TXK: variants seen among roughly 807,000 people sequenced by gnomAD.
TXK encodes the protein tyrosine-protein kinase TXK.
In TXK, 60 loss-of-function variants were observed where a neutral mutation model predicts 81.0. That is an observed-to-expected ratio of 0.74 (90% CI 0.60 to 0.92). TXK has a LOEUF of 0.92. Among genes scored for constraint, TXK ranks in the 40% least tolerant of loss-of-function variants. The pLI, the probability that TXK is intolerant of heterozygous loss-of-function variation, is 0.00. For synonymous variants in TXK, 203 were observed against 210.7 expected, an observed-to-expected ratio of 0.96 and a Z score of 0.32; for missense variants, 581 against 638.3, an observed-to-expected ratio of 0.91 and a Z score of 0.97.
chr4:48,073,848 A>AT, intron 13 of TXK, 87 bp downstream of exon 13: 1 of 890,722 alleles, frequency 1.1e-6, no homozygotes, highest in Non-Finnish European at 1.8e-6. Context: ...AAAAAATGCT[A>AT]TATCAATTAG....
At chr4:48,119,847 T>C (rs1426249329) in intron 1 of TXK, among the ~76,000 whole-genome samples, 2 of 152,156 alleles carry the variant, frequency 1.3e-5, no homozygotes, top group Non-Finnish European at 2.9e-5. Flanking sequence ...AACCAATTTA[T>C]TCCAGTGCTG....
At chr4:48,069,219 G>C (rs1414971525) in intron 14 of TXK, among the ~76,000 whole-genome samples, 1 of 152,114 alleles carries the variant, frequency 6.6e-6, no homozygotes, top group African/African-American at 2.4e-5. Flanking sequence ...GGCGGATTGC[G>C]TAAGCCCAGG....
At chr4:48,092,971 A>T (rs775070016) in intron 8 of TXK, among the ~76,000 whole-genome samples, 18 of 152,196 alleles carry the variant, frequency 1.2e-4, no homozygotes, top group Non-Finnish European at 2.4e-4. Context: ...GCTCACCGTG[A>T]CTCTAACACC....
At chr4:48,091,724 TA>T (rs1391210810) in intron 8 of TXK, among the ~76,000 whole-genome samples, 1 of 152,066 alleles carries the variant, frequency 6.6e-6, no homozygotes, top group Non-Finnish European at 1.5e-5. Flanking sequence ...AGGCTGGTCT[TA>T]AACTCCTGAC....
intron 2 of TXK, among the ~76,000 whole-genome samples, chr4:48,113,828 T>C (rs1718718166): frequency 6.6e-6 from 1 of 151,686 alleles, no homozygotes; most frequent in Non-Finnish European, 1.5e-5. Flanking sequence ...AAAAAAAAAG[T>C]AGGTGGTTTT....
intron 9 of TXK, among the ~76,000 whole-genome samples, chr4:48,088,599 G>A (rs978713076): frequency 5.3e-5 from 8 of 152,182 alleles, no homozygotes; most frequent in African/African-American, 1.7e-4. Flanking sequence ...TTTATATAAC[G>A]TAATCAAACC....
chr4:48,100,171 C>CA (rs11341305), intron 6 of TXK, among the ~76,000 whole-genome samples: 5,991 of 53,658 alleles, frequency 0.11, 682 homozygotes, highest in African/African-American at 0.17. Flanking sequence ...GACTCCATCT[C>CA]AAAAAAAAAA....
At chr4:48,102,323 T>C (rs1000129777) in intron 6 of TXK, among the ~76,000 whole-genome samples, 3 of 152,124 alleles carry the variant, frequency 2.0e-5, no homozygotes, top group Non-Finnish European at 4.4e-5. Context: ...GCAAGCACTA[T>C]AGAAAAATGG....
intron 9 of TXK, 105 bp downstream of exon 9, chr4:48,089,645 G>T: frequency 2.2e-6 from 2 of 898,948 alleles, no homozygotes; most frequent in Non-Finnish European, 3.6e-6. Flanking sequence ...ACCCACCTTT[G>T]CCTCCCAAAG....
At chr4:48,118,787 G>A (rs992787395) in intron 1 of TXK, among the ~76,000 whole-genome samples, 1 of 152,128 alleles carries the variant, frequency 6.6e-6, no homozygotes, top group African/African-American at 2.4e-5. Context: ...CTCCAGCAGA[G>A]GGTATCTCTG....
Position 48,086,579 on chromosome 4 carries a change from C to A in TXK, c.843G>T (p.Gln281His). 6.2e-7 allele frequency: 1 copy of A among 1,614,126 alleles called. No individual in the cohort carries two copies. The highest frequency in any genetic ancestry group is 8.5e-7 in the Non-Finnish European group (1 of 1,179,982). Reference sequence around the variant, plus strand: ...ATTCACCTAAATGGACCACTCCAAACTGACCGCTTCCAATCTCCTTTATAA... The same window carrying A: ...ATTCACCTAAATGGACCACTCCAAAATGACCGCTTCCAATCTCCTTTATAA... ...LAFIKEIGSG[Q>H]FGVVHLGEWR... Residue 281 changes from glutamine to histidine, a missense_variant, in exon 10 of 15, where the codon CAG (glutamine) becomes CAT (histidine). Physicochemically the swap from Gln to His is conservative, Grantham distance 24 (BLOSUM62 0). Coordinates refer to ENST00000264316, the MANE Select transcript of TXK (RefSeq NM_003328.3).
intron 6 of TXK, among the ~76,000 whole-genome samples, chr4:48,096,381 A>G (rs1717980042): frequency 6.6e-6 from 1 of 152,262 alleles, no homozygotes; most frequent in African/African-American, 2.4e-5. Context: ...TTGCATATGT[A>G]GTGATAGCTT....
intron 11 of TXK, 126 bp downstream of exon 11, chr4:48,079,786 C>A (rs1717221371): frequency 7.9e-6 from 6 of 755,700 alleles, no homozygotes; most frequent in Non-Finnish European, 1.1e-5. Context: ...CAACAAATTG[C>A]ATGAATAGGT....
intron 5 of TXK, among the ~76,000 whole-genome samples, chr4:48,105,281 G>C (rs2109458460): frequency 6.6e-6 from 1 of 152,086 alleles, no homozygotes; most frequent in South Asian, 2.1e-4. Flanking sequence ...ACTGAGTTTT[G>C]GCAGACAAAC....
chr4:48,101,845 A>T (rs1391795944), intron 6 of TXK, among the ~76,000 whole-genome samples: 1 of 151,856 alleles, frequency 6.6e-6, no homozygotes, highest in Non-Finnish European at 1.5e-5. Context: ...AAATGTGACC[A>T]CATTAACCTT....
At chr4:48,080,583 T>TC (rs1717260466) in intron 10 of TXK, among the ~76,000 whole-genome samples, 5 of 151,690 alleles carry the variant, frequency 3.3e-5, no homozygotes, top group Admixed American at 1.3e-4. Context: ...AGCATGAAGT[T>TC]CTTTAAAAGG....
intron 2 of TXK, 51 bp from the exon 3 acceptor site, chr4:48,113,360 T>G: frequency 7.2e-7 from 1 of 1,387,156 alleles, no homozygotes; most frequent in Non-Finnish European, 1.0e-6. Context: ...ACAAAAGTTA[T>G]CTATACATCC....
At chr4:48,132,615 T>A (rs1461158676) in intron 1 of TXK, among the ~76,000 whole-genome samples, 1 of 152,182 alleles carries the variant, frequency 6.6e-6, no homozygotes, top group African/African-American at 2.4e-5. Flanking sequence ...TGTATATATA[T>A]TTAAGGCAAA....
chr4:48,102,274 C>T (rs114390474), intron 6 of TXK, among the ~76,000 whole-genome samples: 1 of 152,174 alleles, frequency 6.6e-6, no homozygotes, highest in Non-Finnish European at 1.5e-5. Context: ...CCACCACCCC[C>T]AGCTGTATTT....
Sources: gnomAD v4.1 joint callset for allele counts (sites outside exome capture counted in the v4.1 genomes callset) on GRCh38, gnomAD v4.1.1 for gene constraint, MANE v1.5 for transcripts, NCBI Gene and HGNC (gene_info 2026-07-23, HGNC 2026-07-21) for gene names.